OR8G1: variants seen among roughly 807,000 people sequenced by gnomAD.
The protein encoded by OR8G1 is olfactory receptor 8G1.
For missense variants in OR8G1, 372 were observed against 356.2 expected (o/e 1.04, Z -0.36); for synonymous variants, 129 against 133.3 (o/e 0.97, Z 0.22).
chr11:124,243,304 G>A (rs184619497), intron 1 of OR8G1, among the ~76,000 whole-genome samples: 1 of 151,994 alleles, frequency 6.6e-6, no homozygotes, highest in Non-Finnish European at 1.5e-5. Context: ...TGTATTAACA[G>A]AAGACTATAT....
rs1325143896 is a variant in OR8G1 at position 124,252,810 on chromosome 11, A to G, written c.*2199A>G. The G allele has an allele frequency of 6.6e-6, 1 of 152,126 alleles. No individual in the cohort carries two copies. Among genetic ancestry groups the G allele is most frequent in the East Asian group, 1.9e-4 (1 of 5,178 alleles). The allele number at this position is 152,126 out of a possible 1,614,324, so 9.4% of individuals were successfully genotyped here. ...CTTTCACTCTGGAAACTTCTCCACA[A>G]TTTCAGATGCTCATTTGGCTTATGT... On this transcript the variant is annotated 3_prime_UTR_variant, in exon 3 of 3. Transcript: ENST00000641972.
intron 2 of OR8G1, 168 bp from the exon 3 acceptor site, chr11:124,249,492 T>G (rs538723929): frequency 4.1e-6 from 1 of 244,120 alleles, no homozygotes; most frequent in African/African-American, 2.3e-5. Flanking sequence ...TGAAACACAT[T>G]TATTATATTT....
chr11:124,248,929 A>C (rs1214424015), intron 2 of OR8G1, among the ~76,000 whole-genome samples: 1 of 152,166 alleles, frequency 6.6e-6, no homozygotes, highest in Non-Finnish European at 1.5e-5. Flanking sequence ...ATTTGGAGTC[A>C]AGACACAAAC....
In OR8G1 at chr11:124,252,104, T is replaced by C. The variant is rs1565317084; in HGVS notation, c.*1493T>C. 1 of 152,118 alleles carries C rather than the reference T, an allele frequency of 6.6e-6. No homozygotes were observed. The highest frequency in any genetic ancestry group is 2.4e-5 in the African/African-American group (1 of 41,430). The allele number at this position is 152,118 out of a possible 1,614,324, so 9.4% of individuals were successfully genotyped here. On this transcript the variant is annotated 3_prime_UTR_variant, in exon 3 of 3. Transcript: ENST00000641972. ...GAAGGGAGTGTAGGTGAATGAGCCA[T>C]AGGTTAATAGGACTATTTCCCGGGA...
In OR8G1 at chr11:124,247,116, G is replaced by GA. The variant is rs1006842747; in HGVS notation, c.-96-678dup. 2.0e-5 allele frequency among the ~76,000 whole-genome samples: 3 copies of GA among 151,368 alleles called. No individual in the cohort carries two copies. In the South Asian group the frequency reaches 6.2e-4, roughly 31 times the overall value. ...CAAGCTTCCACTTCAAGAGGTTAGG[G>GA]AAAAAAATAGGAAATCATACTAAAG... On this transcript the variant is annotated intron_variant, in intron 1 of 2. Coordinates refer to ENST00000641972, the MANE Select transcript of OR8G1 (RefSeq NM_001002905.2).
rs368230579 is a variant in OR8G1 at position 124,250,192 on chromosome 11, T to A, written c.517T>A (p.Leu173Met). The A allele has an allele frequency of 6.2e-7, 1 of 1,613,798 alleles. No homozygotes were observed. The highest frequency in any genetic ancestry group is 1.7e-5 in the Admixed American group (1 of 59,914). ...TAGGGTTCAATTCTGCAAATTTGAT[T>A]TGATTAACCATTATTTCTGTGATCT... ...MFRVQFCKFDLINHYFCDLLP... is the reference protein window; with the variant it reads ...MFRVQFCKFDMINHYFCDLLP... Residue 173 changes from leucine (L) to methionine (M), a missense_variant, in exon 3 of 3, where the codon TTG becomes ATG. By Grantham distance (15) the Leu-to-Met change is conservative (BLOSUM62 2). Transcript: ENST00000641972.
chr11:124,242,122 T>C (rs974533785), intron 1 of OR8G1, among the ~76,000 whole-genome samples: 1 of 151,944 alleles, frequency 6.6e-6, no homozygotes, highest in Non-Finnish European at 1.5e-5. Context: ...TTAGGGTACA[T>C]GTGCACACTG....
intron 1 of OR8G1, among the ~76,000 whole-genome samples, chr11:124,244,992 C>A (rs1271487771): frequency 2.3e-5 from 3 of 131,974 alleles, no homozygotes; most frequent in Non-Finnish European, 3.2e-5. Context: ...AACTTCTTAA[C>A]CTTATTAAGA....
chr11:124,243,654 C>CATT (rs1861781594), intron 1 of OR8G1, among the ~76,000 whole-genome samples: 1 of 151,960 alleles, frequency 6.6e-6, no homozygotes, highest in Non-Finnish European at 1.5e-5. Context: ...TTTATCTGTA[C>CATT]ATTAAATGAT....
chr11:124,249,105 G>T (rs1169141967), intron 2 of OR8G1, among the ~76,000 whole-genome samples: 2 of 152,046 alleles, frequency 1.3e-5, no homozygotes, highest in Non-Finnish European at 2.9e-5. Flanking sequence ...ATAACTGTGG[G>T]CCAGTCCAGC....
At chr11:124,244,610 A>G (rs1373687832) in intron 1 of OR8G1, among the ~76,000 whole-genome samples, 1 of 151,930 alleles carries the variant, frequency 6.6e-6, no homozygotes, top group African/African-American at 2.4e-5. Context: ...AACAAGTTAC[A>G]TCCTAGAAAG....
intron 1 of OR8G1, among the ~76,000 whole-genome samples, chr11:124,245,186 T>C (rs370849940): frequency 1.4e-4 from 18 of 129,248 alleles, no homozygotes; most frequent in African/African-American, 3.4e-4. Flanking sequence ...CACTACAGTC[T>C]CCAAAGTGTG....
At position 124,249,737 on chromosome 11, in the gene OR8G1, C is replaced by G. The variant is rs545481117; in HGVS notation, c.62C>G (p.Pro21Arg). The G allele has an allele frequency of 6.8e-6, 11 of 1,613,604 alleles. No homozygotes were observed. In the Admixed American group the frequency reaches 1.7e-4, roughly 24 times the overall value. The change falls in exon 3 of 3, where the codon CCA (proline) becomes CGA (arginine). Residue 21 changes from proline to arginine, a missense_variant. By Grantham distance (103) the Pro-to-Arg change is moderately radical. Transcript: ENST00000641972. ...EFILAGLSEQ[P>R]ELQLPLFLLF... ...ATTCTGGCTGGGCTCTCAGAACAGCCAGAGCTCCAGCTGCCCCTCTTCCTC... is the reference window on the plus strand; with the variant it reads ...ATTCTGGCTGGGCTCTCAGAACAGCGAGAGCTCCAGCTGCCCCTCTTCCTC...
rs760699973 is a variant in OR8G1 at position 124,250,330 on chromosome 11, A to G, written c.655A>G (p.Ile219Val). ...CAGCCTGACCATCCTTTGCTCTTAC[A>G]TCTTTATTATTGCCAGCATCCTCCA... ...VPSLTILCSY[I>V]FIIASILHIR... is the part of the protein sequence containing the mutation. The change falls in exon 3 of 3, where the codon ATC (isoleucine) becomes GTC (valine). Residue 219 changes from isoleucine (I) to valine (V), a missense_variant. Ile to Val is a conservative substitution (Grantham distance 29). Transcript: ENST00000641972. 2 of 1,613,670 alleles carry G rather than the reference A, an allele frequency of 1.2e-6. No individual in the cohort carries two copies. The highest frequency in any genetic ancestry group is 2.2e-5 in the East Asian group (1 of 44,862).
rs1861863823 is a variant in OR8G1, at chr11:124,250,842, A to G, written c.*231A>G. 1.9e-5 allele frequency: 4 copies of G among 212,462 alleles called. 1 individual carries two copies. Among genetic ancestry groups the G allele is most frequent in the Non-Finnish European group, 3.3e-5 (4 of 122,802 alleles). 13.2% of individuals were successfully genotyped at this position (212,462 alleles called of 1,614,324 possible). ...TATAAATACTAAAATCGACATGAGTACATAGACTCATTAATGCCAGCCCCA... is the reference window on the plus strand; with the variant it reads ...TATAAATACTAAAATCGACATGAGTGCATAGACTCATTAATGCCAGCCCCA... On this transcript the variant is annotated 3_prime_UTR_variant, in exon 3 of 3. Coordinates refer to ENST00000641972, the MANE Select transcript of OR8G1 (RefSeq NM_001002905.2).
rs548300339 is a variant in OR8G1, at chr11:124,251,566, G to A, written c.*955G>A. ...AATCCCAATGCAGATATGATAACTT[G>A]TTAACACCTGATTTTTTAAGTCATT... On this transcript the variant is annotated 3_prime_UTR_variant, in exon 3 of 3. Coordinates refer to ENST00000641972, the MANE Select transcript of OR8G1 (RefSeq NM_001002905.2). The A allele has an allele frequency of 3.6e-5, 11 of 309,542 alleles. No homozygotes were observed. The highest frequency in any genetic ancestry group is 2.1e-4 in the African/African-American group (10 of 48,074). The allele number at this position is 309,542 out of a possible 1,614,324, so 19.2% of individuals were successfully genotyped here.
intron 1 of OR8G1, among the ~76,000 whole-genome samples, chr11:124,245,463 C>T (rs12804360): frequency 0.49 from 67,624 of 138,672 alleles, 17,129 homozygotes; most frequent in South Asian, 0.66. Context: ...TGAATAGTGC[C>T]GCAATAAACA....
Position 124,251,258 on chromosome 11 carries a change from C to T in OR8G1, c.*647C>T, listed in dbSNP as rs1861865249. 1.9e-5 allele frequency: 2 copies of T among 105,562 alleles called. 1 individual carries two copies. The allele number at this position is 105,562 out of a possible 1,614,324, so 6.5% of individuals were successfully genotyped here. A position where few individuals can be genotyped will look rare whatever the true frequency, so the allele number is the denominator to read the frequency against. On this transcript the variant is annotated 3_prime_UTR_variant, in exon 3 of 3. Coordinates refer to ENST00000641972, the MANE Select transcript of OR8G1 (RefSeq NM_001002905.2). ...ATTCCCCCGTACATGTGGTTTATTG[C>T]CACGTCTCCAGCGTCTATCATAGTT...
Position 124,250,488 on chromosome 11 carries a change from G to A in OR8G1, c.813G>A (p.Gly271=), listed in dbSNP as rs186536602. The part of the protein sequence containing the change: ...QPSSISSMDQ[G]KVSSVFYTII... ...CTTCAATCAGCTCCATGGACCAGGG[G>A]AAAGTATCCTCTGTGTTTTATACTA... The change falls in exon 3 of 3, where the codon GGG becomes GGA. Residue 271 remains glycine, a synonymous_variant. Transcript: ENST00000641972. The A allele has an allele frequency of 3.8e-4, 606 of 1,613,646 alleles. 1 individual carries two copies. The Middle Eastern group carries it at 4.1e-3, about 11-fold the overall frequency.
Sources: allele counts gnomAD v4.1 joint callset (sites outside exome capture counted in the v4.1 genomes callset), GRCh38; gene constraint gnomAD v4.1.1; transcripts MANE v1.5; gene names NCBI Gene and HGNC (gene_info 2026-07-23, HGNC 2026-07-21).